CD96: variants seen among roughly 807,000 people sequenced by gnomAD.
The protein encoded by CD96 is T-cell surface protein tactile.
Under a neutral mutation model 71.3 loss-of-function variants are expected in CD96, and 70 were observed. The observed-to-expected ratio is 0.98, with a 90% CI of 0.81 to 1.20. The LOEUF (loss-of-function observed/expected upper bound fraction) is 1.20, where lower values mean the gene tolerates loss of function less well. Among genes scored for constraint, CD96 ranks in the 50% most tolerant of loss-of-function variants. The probability of loss-of-function intolerance (pLI) is 0.00; values close to 1 mark genes in which losing one functional copy is unlikely to be tolerated. For synonymous variants in CD96, 248 were observed against 233.0 expected (o/e 1.06, Z -0.59); for missense variants, 742 against 677.5 (o/e 1.10, Z -1.06).
intron 2 of CD96, among the ~76,000 whole-genome samples, chr3:111,559,009 T>C (rs1189941420): frequency 1.3e-5 from 2 of 152,216 alleles, no homozygotes; most frequent in Non-Finnish European, 2.9e-5. Context: ...GTGTTTGTAG[T>C]ATTCTCTGAT....
Position 111,553,349 on chromosome 3 carries a change from G to A in CD96, c.418+7947G>A, listed in dbSNP as rs140115357. Among the ~76,000 whole-genome samples, 735 of 150,626 alleles carry A rather than the reference G, an allele frequency of 4.9e-3. 6 individuals carry two copies. The highest frequency in any genetic ancestry group is 0.017 in the African/African-American group (692 of 41,148). Reference sequence around the variant, plus strand: ...TCTTATAGTCCCATAGTATCTCTATGTTTTCACCTTATAGTTAGACTTATA... The same window carrying A: ...TCTTATAGTCCCATAGTATCTCTATATTTTCACCTTATAGTTAGACTTATA... On this transcript the variant is annotated intron_variant, in intron 2 of 13. Transcript: ENST00000352690.
Position 111,584,831 on chromosome 3 carries a change from C to T in CD96, c.752-492C>T, listed in dbSNP as rs1936634196. On this transcript the variant is annotated intron_variant, in intron 4 of 13. Coordinates refer to ENST00000352690, the MANE Select transcript of CD96 (RefSeq NM_005816.5). ...GACAGAGCCAAACCATATCATAAGC[C>T]TTTGGACATGTAGAACATTGCTCTT... 2.6e-5 allele frequency among the ~76,000 whole-genome samples: 4 copies of T among 152,132 alleles called. No individual in the cohort carries two copies. The South Asian group carries it at 8.3e-4, about 32-fold the overall frequency.
At chr3:111,622,459 T>C (rs545611742) in intron 8 of CD96, among the ~76,000 whole-genome samples, 58 of 152,368 alleles carry the variant, frequency 3.8e-4, no homozygotes, top group African/African-American at 1.3e-3. Flanking sequence ...AGTATCTTTT[T>C]GTAGTTCATT....
chr3:111,627,203 G>C (rs1390578337), intron 10 of CD96, among the ~76,000 whole-genome samples: 2 of 152,194 alleles, frequency 1.3e-5, no homozygotes, highest in Non-Finnish European at 2.9e-5. Flanking sequence ...CACCCCACCA[G>C]CTGTATTCTA....
rs183031439 is a variant in CD96 at position 111,616,950 on chromosome 3, C to T, written c.1181-6804C>T. Among the ~76,000 whole-genome samples the T allele has an allele frequency of 1.2e-4, 18 of 152,320 alleles. No homozygotes were observed. The East Asian group carries it at 3.5e-3, about 29-fold the overall frequency. On this transcript the variant is annotated intron_variant, in intron 8 of 13. Coordinates refer to ENST00000352690, the MANE Select transcript of CD96 (RefSeq NM_005816.5). ...GCAGGCTCAGAAGGGCCTGCTTCCA[C>T]CCCCTGGACTCTTCCCACTCCCAGC...
chr3:111,662,340 C>A (rs1365759388), intron 14 of CD96, among the ~76,000 whole-genome samples: 1 of 152,208 alleles, frequency 6.6e-6, no homozygotes, highest in African/African-American at 2.4e-5. Context: ...GGCATTTTCC[C>A]CATTGTCTTG....
chr3:111,577,636 C>T (rs1936278575), intron 3 of CD96: 3 of 885,420 alleles, frequency 3.4e-6, no homozygotes, highest in Non-Finnish European at 5.8e-6. Context: ...GTAAGACTGA[C>T]ACAAATCCTA....
intron 12 of CD96, among the ~76,000 whole-genome samples, chr3:111,645,890 A>G (rs560218616): frequency 3.0e-4 from 46 of 152,318 alleles, no homozygotes; most frequent in African/African-American, 1.1e-3. Context: ...CAATGCTAAC[A>G]TGATAACATC....
chr3:111,664,981 A>T (rs1940446805), intron 14 of CD96, among the ~76,000 whole-genome samples: 1 of 152,222 alleles, frequency 6.6e-6, no homozygotes, highest in Non-Finnish European at 1.5e-5. Flanking sequence ...CAGTCAAAGG[A>T]CTATGATATA....
At chr3:111,604,969 T>C (rs1937584392) in intron 7 of CD96, among the ~76,000 whole-genome samples, 1 of 152,208 alleles carries the variant, frequency 6.6e-6, no homozygotes, top group Admixed American at 6.5e-5. Context: ...TTTTAATCAA[T>C]ATACAGAGAA....
intron 2 of CD96, among the ~76,000 whole-genome samples, chr3:111,561,331 T>C (rs1031779643): frequency 2.7e-5 from 4 of 149,294 alleles, no homozygotes; most frequent in Non-Finnish European, 6.0e-5. Context: ...TTTCCCCATC[T>C]TTGTGGTTTT....
intron 12 of CD96, among the ~76,000 whole-genome samples, chr3:111,642,912 A>C (rs1193557411): frequency 7.1e-6 from 1 of 140,290 alleles, no homozygotes; most frequent in Non-Finnish European, 1.5e-5. Flanking sequence ...AATTGGTACC[A>C]ATCCTATTGA....
intron 10 of CD96, among the ~76,000 whole-genome samples, chr3:111,632,379 C>T (rs1266508465): frequency 6.6e-6 from 1 of 152,154 alleles, no homozygotes; most frequent in Non-Finnish European, 1.5e-5. Context: ...AGCTCAACAT[C>T]ACTGATCATT....
rs1938616391 is a variant in CD96, at chr3:111,623,772, C to T, written c.1199C>T (p.Ser400Leu). 7 of 1,610,522 alleles carry T rather than the reference C, an allele frequency of 4.3e-6. No individual in the cohort carries two copies. Among genetic ancestry groups the T allele is most frequent in the Non-Finnish European group, 5.9e-6 (7 of 1,176,800 alleles). The stretch of plus-strand genomic sequence containing the variant: ...AAAATAGGATATCCAGCTACATCTT[C>T]AGTGACCCTTGTAGATGTGAGTGCC... ...VSPARYPATS[S>L]VTLVDVSALR... Residue 400 changes from serine to leucine, a missense_variant, in exon 9 of 14, where the codon TCA (serine) becomes TTA (leucine). Physicochemically the swap from Ser to Leu is moderately radical, Grantham distance 145 (BLOSUM62 -2). Coordinates refer to ENST00000352690, the MANE Select transcript of CD96 (RefSeq NM_005816.5).
chr3:111,573,791 G>A (rs191074572), intron 3 of CD96, among the ~76,000 whole-genome samples: 1 of 145,026 alleles, frequency 6.9e-6, no homozygotes, highest in African/African-American at 2.4e-5. Flanking sequence ...TATGTTAAAA[G>A]GTAAGTGGTA....
intron 10 of CD96, among the ~76,000 whole-genome samples, chr3:111,632,230 G>T (rs1939102706): frequency 6.6e-6 from 1 of 151,958 alleles, no homozygotes; most frequent in Non-Finnish European, 1.5e-5. Flanking sequence ...ATCTGAAAAA[G>T]GTATAATAGC....
At chr3:111,557,293 T>G (rs1422210002) in intron 2 of CD96, among the ~76,000 whole-genome samples, 2 of 113,778 alleles carry the variant, frequency 1.8e-5, no homozygotes, top group Admixed American at 8.7e-5. Flanking sequence ...GCCTATGTCC[T>G]GAATGGTAAT....
Position 111,632,807 on chromosome 3 carries a change from ATGTCCTT to A in CD96, c.1322-4386_1322-4380del, listed in dbSNP as rs1279845988. Among the ~76,000 whole-genome samples, 3 of 152,348 alleles carry A rather than the reference ATGTCCTT, an allele frequency of 2.0e-5. No individual in the cohort carries two copies. In the East Asian group the frequency reaches 5.8e-4, roughly 29 times the overall value. ...TACAGTCATAAAAAGGAATGAGATC[ATGTCCTT>A]TGCAGGGACATGGATGGAGTTGGAA... On this transcript the variant is annotated intron_variant, in intron 10 of 13. Transcript: ENST00000352690.
rs140727933 is a variant in CD96 at position 111,542,280 on chromosome 3, A to G, written c.32A>G (p.Tyr11Cys). 1.5e-5 allele frequency: 25 copies of G among 1,613,830 alleles called. No homozygotes were observed. In the East Asian group the frequency reaches 4.2e-4, roughly 27 times the overall value. The change falls in exon 1 of 14, where the codon TAT becomes TGT. Residue 11 changes from tyrosine (Y) to cysteine (C), a missense_variant. Coordinates refer to ENST00000352690, the MANE Select transcript of CD96 (RefSeq NM_005816.5). The stretch of plus-strand genomic sequence containing the variant: ...AAAAAATGGAAATACTGTGCTGTCT[A>G]TTACATCATCCAGATACATTTTGTC... MEKKWKYCAV[Y>C]YIIQIHFVKG...
Sources: gnomAD v4.1 joint callset for allele counts (sites outside exome capture counted in the v4.1 genomes callset) on GRCh38, gnomAD v4.1.1 for gene constraint, MANE v1.5 for transcripts, NCBI Gene and HGNC (gene_info 2026-07-23, HGNC 2026-07-21) for gene names.